ZNF174: variants seen among roughly 807,000 people sequenced by gnomAD.
The protein encoded by ZNF174 is zinc finger protein 174.
ZNF174 carries 30 observed loss-of-function variants against 38.7 expected under a neutral mutation model. The ratio of observed to expected loss-of-function variants is 0.78; its 90% CI spans 0.58 to 1.05. The LOEUF (loss-of-function observed/expected upper bound fraction) is 1.05. Ranked by LOEUF, ZNF174 falls within the 50% of genes least tolerant of loss-of-function variation. ZNF174 has a pLI of 0.00. For synonymous variants in ZNF174, 201 were observed against 181.7 expected, an observed-to-expected ratio of 1.11 and a Z score of -0.86; for missense variants, 499 against 495.6, an observed-to-expected ratio of 1.01 and a Z score of -0.06.
At chr16:3,403,040 G>A (rs1292948934) in intron 1 of ZNF174, among the ~76,000 whole-genome samples, 1 of 151,172 alleles carries the variant, frequency 6.6e-6, no homozygotes, top group African/African-American at 2.4e-5. Flanking sequence ...TTTCCTACTA[G>A]CAGAATTCTT....
rs1405404581 is a variant in ZNF174, at chr16:3,408,317, A to T, written c.626-4A>T. The T allele has an allele frequency of 6.4e-7, 1 of 1,565,040 alleles. No homozygotes were observed. Among genetic ancestry groups the T allele is most frequent in the Non-Finnish European group, 8.6e-7 (1 of 1,158,700 alleles). The stretch of plus-strand genomic sequence containing the variant: ...AAAATGAAGCATTTTCTTTCTAATT[A>T]TAGAGGCCCCCAGAATGAGAAGTGA... On this transcript the variant is annotated splice_polypyrimidine_tract_variant and splice_region_variant and intron_variant, in intron 2 of 2. Coordinates refer to ENST00000268655, the MANE Select transcript of ZNF174 (RefSeq NM_003450.3).
chr16:3,404,715 T>G (rs777168819), intron 2 of ZNF174, 67 bp downstream of exon 2: 2 of 1,594,120 alleles, frequency 1.3e-6, no homozygotes, highest in East Asian at 2.2e-5. Context: ...CTCATGGTTC[T>G]GCAAAGGCAT....
chr16:3,407,000 G>A (rs966495623), intron 2 of ZNF174, among the ~76,000 whole-genome samples: 7 of 152,148 alleles, frequency 4.6e-5, no homozygotes, highest in African/African-American at 1.7e-4. Flanking sequence ...AATCTGATCA[G>A]GGGTCTGTCT....
At chr16:3,403,724 C>T (rs367612291) in intron 1 of ZNF174, among the ~76,000 whole-genome samples, 5 of 151,190 alleles carry the variant, frequency 3.3e-5, no homozygotes, top group African/African-American at 9.7e-5. Context: ...TGGGCCCAGG[C>T]GATCCGCCCG....
At chr16:3,404,358 A>G (rs528484350) in intron 1 of ZNF174, 68 bp from the exon 2 acceptor site, 22 of 1,469,138 alleles carry the variant, frequency 1.5e-5, no homozygotes, top group Admixed American at 2.2e-5. Flanking sequence ...GGGTCATTAT[A>G]CAACAGTGAG....
At position 3,405,816 on chromosome 16, in the gene ZNF174, G is replaced by A. The variant is rs143637640; in HGVS notation, c.625+1168G>A. Among the ~76,000 whole-genome samples the A allele has an allele frequency of 1.5e-3, 221 of 152,252 alleles. 2 individuals are homozygous for A. The highest frequency in any genetic ancestry group is 5.2e-3 in the African/African-American group (215 of 41,544). ...AGGCTCAGGAGTTCGAGACCAGCCT[G>A]GGCAACATGGCGAAATCCTGTCTCT... is the stretch of plus-strand genomic sequence containing the variant. On this transcript the variant is annotated intron_variant, in intron 2 of 2. Transcript: ENST00000268655.
intron 1 of ZNF174, 41 bp downstream of exon 1, chr16:3,402,447 T>C: frequency 6.7e-7 from 1 of 1,494,422 alleles, no homozygotes; most frequent in Non-Finnish European, 8.9e-7. Flanking sequence ...GATTTCTTTT[T>C]CTTTTCTTTT....
chr16:3,402,470 T>TC (rs2033951231), intron 1 of ZNF174, 64 bp downstream of exon 1: 3 of 1,415,716 alleles, frequency 2.1e-6, no homozygotes, highest in South Asian at 1.3e-5. Flanking sequence ...TTTTTTTTTC[T>TC]TTTTTTGAGA....
intron 1 of ZNF174, among the ~76,000 whole-genome samples, chr16:3,402,883 C>T (rs2033976974): frequency 6.6e-6 from 1 of 152,118 alleles, no homozygotes; most frequent in African/African-American, 2.4e-5. Context: ...GAGTTATTAA[C>T]AGGTTTTTAG....
chr16:3,405,472 C>A (rs544246845), intron 2 of ZNF174, among the ~76,000 whole-genome samples: 84 of 152,234 alleles, frequency 5.5e-4, no homozygotes, highest in African/African-American at 1.8e-3. Context: ...ACTTCTCAGT[C>A]CTCATGTGGC....
Position 3,402,008 on chromosome 16 carries a change from G to A in ZNF174, c.4G>A (p.Ala2Thr). M[A>T]AKMEITLSSN... is the part of the protein sequence containing the mutation. ...GAGTTGTCTCCTGACGCCCAAAATG[G>A]CAGCTAAAATGGAGATAACTTTAAG... The change falls in exon 1 of 3, where the codon GCA (alanine) becomes ACA (threonine). Residue 2 changes from alanine (A) to threonine (T), a missense_variant. Ala to Thr is a moderately conservative substitution (Grantham distance 58). Transcript: ENST00000268655. 2 of 1,611,822 alleles carry A rather than the reference G, an allele frequency of 1.2e-6. No homozygotes were observed. The highest frequency in any genetic ancestry group is 1.7e-6 in the Non-Finnish European group (2 of 1,179,556).
At chr16:3,404,723 C>G (rs1203054051) in intron 2 of ZNF174, 75 bp downstream of exon 2, 1 of 1,578,788 alleles carries the variant, frequency 6.3e-7, no homozygotes, top group Non-Finnish European at 8.7e-7. Context: ...TCTGCAAAGG[C>G]ATAGACCACA....
intron 2 of ZNF174, 107 bp from the exon 3 acceptor site, chr16:3,408,214 G>T (rs2034080510): frequency 2.8e-6 from 3 of 1,088,452 alleles, no homozygotes; most frequent in Admixed American, 2.3e-5. Context: ...AATGCAAGTT[G>T]CCAGCGGAGG....
Position 3,409,047 on chromosome 16 carries a change from C to A in ZNF174, c.*128C>A. On this transcript the variant is annotated 3_prime_UTR_variant, in exon 3 of 3. Transcript: ENST00000268655. ...ACGAGGCCCTTGAGGAATGATGATG[C>A]ACATTCTGCTGTGAGGAGGCCCAGA... 1 of 1,064,550 alleles carries A rather than the reference C, an allele frequency of 9.4e-7. No homozygotes were observed. The highest frequency in any genetic ancestry group is 1.4e-6 in the Non-Finnish European group (1 of 737,280). 65.9% of individuals were successfully genotyped at this position (1,064,550 alleles called of 1,614,324 possible). A position where few individuals can be genotyped will look rare whatever the true frequency, so the allele number is the denominator to read the frequency against.
chr16:3,407,068 G>C (rs1460645333), intron 2 of ZNF174, among the ~76,000 whole-genome samples: 1 of 152,202 alleles, frequency 6.6e-6, no homozygotes, highest in Non-Finnish European at 1.5e-5. Context: ...ATAAACAACA[G>C]AAATTTGTTG....
In ZNF174 at chr16:3,408,422, G is replaced by A; in HGVS notation, c.727G>A (p.Gly243Ser). 6.2e-7 allele frequency: 1 copy of A among 1,614,206 alleles called. No homozygotes were observed. The highest frequency in any genetic ancestry group is 2.2e-5 in the East Asian group (1 of 44,894). Residue 243 changes from glycine to serine, a missense_variant, in exon 3 of 3, where the codon GGT (glycine) becomes AGT (serine). By Grantham distance (56) the Gly-to-Ser change is moderately conservative. Transcript: ENST00000268655. ...AVSAGRSKGN[G>S]LQNPEPRGAN... ...GTCAGCTGGCAGATCCAAAGGGAATGGTCTGCAGAATCCTGAACCAAGAGG... is the reference window on the plus strand; with the variant it reads ...GTCAGCTGGCAGATCCAAAGGGAATAGTCTGCAGAATCCTGAACCAAGAGG...
Position 3,402,058 on chromosome 16 carries a change from G to A in ZNF174, c.54G>A (p.Lys18=). ...TLSSNTEASS[K]QERHIIAKLE... is the part of the protein sequence containing the mutation. Reference sequence around the variant, plus strand: ...GCTCCAACACTGAAGCTTCCTCCAAGCAAGAGAGACACATAATAGCCAAAC... The same window carrying A: ...GCTCCAACACTGAAGCTTCCTCCAAACAAGAGAGACACATAATAGCCAAAC... The change falls in exon 1 of 3, where the codon AAG becomes AAA. Residue 18 remains lysine (K), a synonymous_variant. Coordinates refer to ENST00000268655, the MANE Select transcript of ZNF174 (RefSeq NM_003450.3). 4 of 1,614,006 alleles carry A rather than the reference G, an allele frequency of 2.5e-6. No homozygotes were observed.
intron 2 of ZNF174, among the ~76,000 whole-genome samples, chr16:3,405,881 C>T (rs1214334508): frequency 6.6e-6 from 1 of 152,198 alleles, no homozygotes; most frequent in Non-Finnish European, 1.5e-5. Context: ...GTGCTGCACA[C>T]CTGTAATCCC....
At position 3,401,843 on chromosome 16, in the gene ZNF174, A is replaced by C. The variant is rs777030775; in HGVS notation, c.-162A>C. 2.3e-6 allele frequency: 2 copies of C among 858,070 alleles called. No homozygotes were observed. Among genetic ancestry groups the C allele is most frequent in the Non-Finnish European group, 3.5e-6 (2 of 566,444 alleles). The allele number at this position is 858,070 out of a possible 1,614,324, so 53.2% of individuals were successfully genotyped here. On this transcript the variant is annotated 5_prime_UTR_variant, in exon 1 of 3. Coordinates refer to ENST00000268655, the MANE Select transcript of ZNF174 (RefSeq NM_003450.3). ...CCGCGTTGTCTTGAGTTTGGCTAGT[A>C]AAGGCTAGCAAGTGAGGCTTTGTCT...
Sources: allele counts gnomAD v4.1 joint callset (sites outside exome capture counted in the v4.1 genomes callset), GRCh38; gene constraint gnomAD v4.1.1; transcripts MANE v1.5; gene names NCBI Gene and HGNC (gene_info 2026-07-23, HGNC 2026-07-21).